DYNC2H1: variants seen among roughly 807,000 people sequenced by gnomAD.
The protein encoded by DYNC2H1 is dynein cytoplasmic 2 heavy chain 1, also known as cytoplasmic dynein 2 heavy chain 1.
Under a neutral mutation model 570.0 loss-of-function variants are expected in DYNC2H1, and 410 were observed. The observed-to-expected ratio is 0.72, with a 90% CI of 0.66 to 0.78. The LOEUF is 0.78. Among genes scored for constraint, DYNC2H1 ranks in the 30% least tolerant of loss-of-function variants. The probability of loss-of-function intolerance (pLI) is 0.00; values close to 1 mark genes in which losing one functional copy is unlikely to be tolerated. For missense variants in DYNC2H1, 4,865 were observed against 5,046.4 expected (o/e 0.96, Z 1.09); for synonymous variants, 1,688 against 1,677.6 (o/e 1.01, Z -0.15).
intron 6 of DYNC2H1, among the ~76,000 whole-genome samples, chr11:103,119,467 G>A (rs1360703032): frequency 2.6e-5 from 4 of 152,126 alleles, no homozygotes; most frequent in Non-Finnish European, 5.9e-5. Context: ...AGCCTCCTGA[G>A]TAGCTGGGAC....
chr11:103,343,034 A>C (rs1181805078), intron 82 of DYNC2H1, among the ~76,000 whole-genome samples: 1 of 152,184 alleles, frequency 6.6e-6, no homozygotes, highest in African/African-American at 2.4e-5. Flanking sequence ...CGGCCACTGG[A>C]CTAAAGACAT....
chr11:103,275,593 T>C lies in DYNC2H1; in HGVS notation c.10696-4755T>C, dbSNP rs1408039572. Among the ~76,000 whole-genome samples, 4 of 152,238 alleles carry C rather than the reference T, an allele frequency of 2.6e-5. No homozygotes were observed. Among genetic ancestry groups the C allele is most frequent in the African/African-American group, 7.2e-5 (3 of 41,466 alleles). On this transcript the variant is annotated intron_variant, in intron 70 of 88. Transcript: ENST00000375735. This position sits in a 1 kb window ranked among gnomAD's most constrained non-coding sequence, Gnocchi z 4.8. ...TATTCTAATTATATTTGTCATATAA[T>C]TGGAATCATACAGTATGTCAGTATG...
chr11:103,126,728 C>T (rs1340720388), intron 12 of DYNC2H1, among the ~76,000 whole-genome samples: 1 of 151,904 alleles, frequency 6.6e-6, no homozygotes, highest in African/African-American at 2.4e-5. Context: ...GCTCCGCCTC[C>T]CGGGTTCATG....
chr11:103,472,282 T>TG lies in DYNC2H1; in HGVS notation c.12765+3580dup, dbSNP rs1249342093. Among the ~76,000 whole-genome samples the TG allele has an allele frequency of 2.6e-5, 4 of 152,084 alleles. No homozygotes were observed. The highest frequency in any genetic ancestry group is 9.7e-5 in the African/African-American group (4 of 41,416). ...GCTCACACCTGTAATCCCATCACTT[T>TG]GGGAGGCCAAGGCAGGAGAATCACT... On this transcript the variant is annotated intron_variant, in intron 88 of 88. Coordinates refer to ENST00000375735, the MANE Select transcript of DYNC2H1 (RefSeq NM_001377.3). The surrounding 1 kb of genome is among the most constrained non-coding windows in gnomAD (Gnocchi z 4.1).
chr11:103,227,274 A>G (rs921725360), intron 59 of DYNC2H1, among the ~76,000 whole-genome samples: 1 of 149,752 alleles, frequency 6.7e-6, no homozygotes, highest in Non-Finnish European at 1.5e-5. Flanking sequence ...GTGACCTTAG[A>G]TTGTCTATTT....
At chr11:103,114,038 T>C (rs1236762527) in intron 2 of DYNC2H1, 65 bp from the exon 3 acceptor site, 7 of 1,567,966 alleles carry the variant, frequency 4.5e-6, no homozygotes, top group Non-Finnish European at 6.1e-6. Flanking sequence ...GACAGTGTTT[T>C]GGGAAGCCAA....
At chr11:103,384,971 TA>T (rs996717671) in intron 83 of DYNC2H1, among the ~76,000 whole-genome samples, 1 of 152,150 alleles carries the variant, frequency 6.6e-6, no homozygotes, top group African/African-American at 2.4e-5. Context: ...TATTAACATC[TA>T]ATGTCTCATT....
chr11:103,168,432 C>G (rs1338830795), intron 31 of DYNC2H1, among the ~76,000 whole-genome samples: 1 of 152,138 alleles, frequency 6.6e-6, no homozygotes, highest in Non-Finnish European at 1.5e-5. Flanking sequence ...AATAGCAGTT[C>G]AATGTATGTT....
intron 28 of DYNC2H1, 51 bp downstream of exon 28, chr11:103,159,078 C>T: frequency 7.0e-7 from 1 of 1,429,952 alleles, no homozygotes; most frequent in Non-Finnish European, 9.7e-7. Flanking sequence ...CAACTGTCTG[C>T]CAGGCCTAAT....
At chr11:103,198,819 G>C (rs1425120957) in intron 48 of DYNC2H1, among the ~76,000 whole-genome samples, 1 of 152,096 alleles carries the variant, frequency 6.6e-6, no homozygotes, top group East Asian at 1.9e-4. Context: ...CAATGCGAAA[G>C]AACAAACATT....
At chr11:103,127,864 A>G (rs1859076074) in intron 12 of DYNC2H1, among the ~76,000 whole-genome samples, 2 of 152,252 alleles carry the variant, frequency 1.3e-5, no homozygotes, top group African/African-American at 4.8e-5. Context: ...ACATAAATAT[A>G]TAATGCAGTG....
intron 18 of DYNC2H1, 100 bp from the exon 19 acceptor site, chr11:103,147,672 T>A: frequency 2.8e-6 from 2 of 714,652 alleles, no homozygotes; most frequent in Non-Finnish European, 4.6e-6. Context: ...CTGACATACA[T>A]TTTTAAGTGT....
At chr11:103,238,278 T>C (rs1237802456) in intron 63 of DYNC2H1, among the ~76,000 whole-genome samples, 4 of 152,090 alleles carry the variant, frequency 2.6e-5, no homozygotes, top group Admixed American at 2.6e-4. Context: ...TCATTAACTA[T>C]GCTAAAGCTG....
intron 17 of DYNC2H1, among the ~76,000 whole-genome samples, chr11:103,137,810 C>A (rs1246759086): frequency 6.6e-6 from 1 of 151,808 alleles, no homozygotes; most frequent in Admixed American, 6.6e-5. Context: ...CTATAAATTA[C>A]CTTGGGCAGT....
chr11:103,109,639 G>A lies in DYNC2H1; in HGVS notation c.65G>A (p.Gly22Glu). Reference protein sequence around the residue: ...FIFTTTQNYFGLMSELWDQPL... With the variant: ...FIFTTTQNYFELMSELWDQPL... ...TTCACTACTACCCAGAATTACTTCG[G>A]GTTGATGTCTGAACTCTGGGATCAG... Residue 22 changes from glycine (G) to glutamate (E), a missense_variant, in exon 1 of 89, where the codon GGG becomes GAG. By Grantham distance (98) the Gly-to-Glu change is moderately conservative. This residue lies in a region of DYNC2H1 where 1,936 missense variants were observed against 1,962.1 expected (regional missense o/e 0.99). Coordinates refer to ENST00000375735, the MANE Select transcript of DYNC2H1 (RefSeq NM_001377.3). 1.2e-6 allele frequency: 2 copies of A among 1,613,944 alleles called. No homozygotes were observed. Among genetic ancestry groups the A allele is most frequent in the Non-Finnish European group, 1.7e-6 (2 of 1,179,880 alleles).
At chr11:103,131,408 C>T (rs1399123527) in intron 13 of DYNC2H1, among the ~76,000 whole-genome samples, 8 of 152,114 alleles carry the variant, frequency 5.3e-5, no homozygotes, top group Non-Finnish European at 1.2e-4. Flanking sequence ...CCTGCCTCAG[C>T]CTCAGAGTAG....
Position 103,319,577 on chromosome 11 carries a change from C to T in DYNC2H1, c.11726-1452C>T, listed in dbSNP as rs1371740420. Among the ~76,000 whole-genome samples the T allele has an allele frequency of 6.6e-6, 1 of 151,960 alleles. No individual in the cohort carries two copies. The highest frequency in any genetic ancestry group is 1.5e-5 in the Non-Finnish European group (1 of 67,960). On this transcript the variant is annotated intron_variant, in intron 80 of 88. Coordinates refer to ENST00000375735, the MANE Select transcript of DYNC2H1 (RefSeq NM_001377.3). The surrounding 1 kb of genome is among the most constrained non-coding windows in gnomAD (Gnocchi z 4.3). ...GAGTTAAGCTATCAGTAATTGTTGG[C>T]TGTTATTATTGCTATTGTTGTAATT...
chr11:103,355,906 C>T (rs1170838582), intron 82 of DYNC2H1, among the ~76,000 whole-genome samples: 1 of 152,006 alleles, frequency 6.6e-6, no homozygotes, highest in African/African-American at 2.4e-5. Context: ...GAAGAGGTCC[C>T]AATATGTTGC....
intron 84 of DYNC2H1, among the ~76,000 whole-genome samples, chr11:103,409,234 T>C (rs1942987970): frequency 6.6e-6 from 1 of 152,054 alleles, no homozygotes. Flanking sequence ...AATAATAAGG[T>C]GCTTATTGTA....
Sources: gnomAD v4.1 joint callset for allele counts (sites outside exome capture counted in the v4.1 genomes callset) on GRCh38, gnomAD v4.1.1 for gene constraint, gnomAD v4.1.1 regional missense constraint, Gnocchi (gnomAD v3.1) non-coding constraint, MANE v1.5 for transcripts, NCBI Gene and HGNC (gene_info 2026-07-23, HGNC 2026-07-21) for gene names.